RIOK1: variants seen among roughly 807,000 people sequenced by gnomAD.
The protein encoded by RIOK1 is serine/threonine-protein kinase RIO1.
RIOK1 carries 66 observed loss-of-function variants against 73.5 expected under a neutral mutation model. The ratio of observed to expected loss-of-function variants is 0.90; its 90% confidence interval spans 0.74 to 1.10. The LOEUF (loss-of-function observed/expected upper bound fraction) is 1.10. Ranked by LOEUF, RIOK1 falls within the 50% of genes least tolerant of loss-of-function variation. The pLI is 0.00. For missense variants in RIOK1, 658 were observed against 699.8 expected, an observed-to-expected ratio of 0.94 and a Z score of 0.67; for synonymous variants, 224 against 226.8, an observed-to-expected ratio of 0.99 and a Z score of 0.11.
chr6:7,393,366 C>T, intron 2 of RIOK1, 63 bp downstream of exon 2: 2 of 1,370,464 alleles, frequency 1.5e-6, no homozygotes. Context: ...TTTTAAAAGG[C>T]TGTTTTGTGA....
At chr6:7,397,880 G>A (rs1298446386) in intron 4 of RIOK1, among the ~76,000 whole-genome samples, 3 of 152,198 alleles carry the variant, frequency 2.0e-5, no homozygotes, top group African/African-American at 4.8e-5. Context: ...AGTGGCTCAC[G>A]CCTGTAATCC....
chr6:7,405,301 A>G lies in RIOK1; in HGVS notation c.1149A>G (p.Glu383=), dbSNP rs548686818. The change falls in exon 12 of 17, where the codon GAA becomes GAG. Residue 383 remains glutamate, a synonymous_variant. Transcript: ENST00000379834. The part of the protein sequence containing the change: ...VAVMTVRELF[E]FVTDPSITHE... ...TCATGACTGTGCGGGAGCTCTTTGA[A>G]TTTGTCACAGATCCATCCATTACAC... The G allele has an allele frequency of 5.0e-6, 8 of 1,613,580 alleles. No individual in the cohort carries two copies. In the East Asian group the frequency reaches 1.3e-4, roughly 27 times the overall value.
rs778945381 is a variant in RIOK1 at position 7,398,764 on chromosome 6, C to G, written c.480+24C>G. The G allele has an allele frequency of 1.5e-5, 24 of 1,583,494 alleles. No individual in the cohort carries two copies. The Admixed American group carries it at 3.9e-4, about 26-fold the overall frequency. On this transcript the variant is annotated intron_variant, in intron 5 of 16. Coordinates refer to ENST00000379834, the MANE Select transcript of RIOK1 (RefSeq NM_031480.3). ...AGGTACAATTTAAATGTGTTGCAAA[C>G]TCTTCTTTTTAATTAGCATTTCTTC... is the stretch of plus-strand genomic sequence containing the variant.
chr6:7,414,134 T>G, intron 15 of RIOK1, 104 bp from the exon 16 acceptor site: 1 of 997,996 alleles, frequency 1.0e-6, no homozygotes, highest in Admixed American at 2.7e-5. Context: ...TTAACATATA[T>G]TTGCGAGCCT....
At chr6:7,399,305 C>G (rs1419649995) in intron 5 of RIOK1, among the ~76,000 whole-genome samples, 2 of 152,146 alleles carry the variant, frequency 1.3e-5, no homozygotes, top group Non-Finnish European at 2.9e-5. Flanking sequence ...GCCTCTGCCA[C>G]CTACCACTCC....
chr6:7,400,142 T>C (rs925453227), intron 5 of RIOK1, among the ~76,000 whole-genome samples: 11 of 152,240 alleles, frequency 7.2e-5, no homozygotes, highest in African/African-American at 2.7e-4. Context: ...TTACTCAAGA[T>C]TGATTATTCT....
intron 3 of RIOK1, among the ~76,000 whole-genome samples, chr6:7,395,526 AAAG>A (rs1483533558): frequency 6.6e-6 from 1 of 151,860 alleles, no homozygotes; most frequent in African/African-American, 2.4e-5. Context: ...AAAAAAAAAA[AAAG>A]AAAAAAGGAA....
At chr6:7,413,356 C>CA (rs1761930991) in intron 15 of RIOK1, among the ~76,000 whole-genome samples, 1 of 152,226 alleles carries the variant, frequency 6.6e-6, no homozygotes, top group Non-Finnish European at 1.5e-5. Context: ...ATGAGTTCAG[C>CA]AAGTCCTGCT....
chr6:7,401,101 C>T lies in RIOK1; in HGVS notation c.573+51C>T, dbSNP rs761145818. 3.4e-6 allele frequency: 4 copies of T among 1,191,108 alleles called. No homozygotes were observed. In the South Asian group the frequency reaches 3.8e-5, roughly 11 times the overall value. 73.8% of individuals were successfully genotyped at this position (1,191,108 alleles called of 1,614,324 possible). A position where few individuals can be genotyped will look rare whatever the true frequency, so the allele number is the denominator to read the frequency against. ...TATTTAATTTTCTTATTTCAGATAC[C>T]AGATGAAACTGGCACTTAGAACTAC... On this transcript the variant is annotated intron_variant, in intron 6 of 16. Coordinates refer to ENST00000379834, the MANE Select transcript of RIOK1 (RefSeq NM_031480.3).
At chr6:7,411,538 C>G in intron 14 of RIOK1, 87 bp downstream of exon 14, 7 of 1,413,278 alleles carry the variant, frequency 5.0e-6, no homozygotes, top group Non-Finnish European at 6.9e-6. Flanking sequence ...TTAAGTTCCC[C>G]TAATCTTGAA....
rs115735627 is a variant in RIOK1 at position 7,405,008 on chromosome 6, C to T, written c.1083C>T (p.Cys361=). 23 of 1,613,544 alleles carry T rather than the reference C, an allele frequency of 1.4e-5. No homozygotes were observed. In the East Asian group the frequency reaches 2.7e-4, roughly 19 times the overall value. Residue 361 remains cysteine (C), a synonymous_variant, in exon 11 of 17, where the codon TGC becomes TGT. Coordinates refer to ENST00000379834, the MANE Select transcript of RIOK1 (RefSeq NM_031480.3). Reference sequence around the variant, plus strand: ...CCTTGGAGTTCTTGAGAAAGGATTGCGCCAACGTCAATGGTGAGTAGAAAC... The same window carrying T: ...CCTTGGAGTTCTTGAGAAAGGATTGTGCCAACGTCAATGGTGAGTAGAAAC... ...PHALEFLRKD[C]ANVNDFFMRH...
At chr6:7,396,510 C>T (rs1477996985) in intron 3 of RIOK1, among the ~76,000 whole-genome samples, 193 bp from the exon 4 acceptor site, 3 of 152,070 alleles carry the variant, frequency 2.0e-5, no homozygotes, top group Non-Finnish European at 4.4e-5. Flanking sequence ...GTGACACTTA[C>T]GAAGGAAACG....
intron 5 of RIOK1, among the ~76,000 whole-genome samples, chr6:7,399,923 T>C (rs958608211): frequency 6.6e-6 from 1 of 152,212 alleles, no homozygotes; most frequent in Non-Finnish European, 1.5e-5. Flanking sequence ...TCATTGAAGG[T>C]GGACCCTAAA....
intron 2 of RIOK1, among the ~76,000 whole-genome samples, chr6:7,394,311 G>A (rs1485916748): frequency 6.6e-6 from 1 of 152,190 alleles, no homozygotes; most frequent in East Asian, 1.9e-4. Context: ...GTGGGTGCCT[G>A]TAATCCCAGC....
In RIOK1 at chr6:7,417,383, T is replaced by G; in HGVS notation, c.1649T>G (p.Ile550Ser). Reference protein sequence around the residue: ...EAQREKRKNKIPKHVKKRKEK... With the variant: ...EAQREKRKNKSPKHVKKRKEK... ...CAGAGAGAGAAAAGAAAAAACAAAA[T>G]TCCTAAACATGTGAAAAAAAGAAAG... Residue 550 changes from isoleucine to serine, a missense_variant, in exon 17 of 17, where the codon ATT becomes AGT. By Grantham distance (142) the Ile-to-Ser change is moderately radical. Coordinates refer to ENST00000379834, the MANE Select transcript of RIOK1 (RefSeq NM_031480.3). 6.4e-7 allele frequency: 1 copy of G among 1,567,802 alleles called. No individual in the cohort carries two copies. Among genetic ancestry groups the G allele is most frequent in the Non-Finnish European group, 8.6e-7 (1 of 1,156,326 alleles).
chr6:7,407,893 G>A (rs1381590526), intron 12 of RIOK1, among the ~76,000 whole-genome samples: 2 of 152,214 alleles, frequency 1.3e-5, no homozygotes, highest in African/African-American at 4.8e-5. Context: ...TTCCCATTCT[G>A]TGACTTGTCT....
At chr6:7,392,397 G>C (rs376621651) in intron 1 of RIOK1, among the ~76,000 whole-genome samples, 1 of 152,224 alleles carries the variant, frequency 6.6e-6, no homozygotes, top group South Asian at 2.1e-4. Context: ...ATCATGAACA[G>C]GGATGATTTG....
chr6:7,396,892 G>GGTGTGTGTGTGTGTGTGTGTGTGT lies in RIOK1; in HGVS notation c.437+125_437+148dup, dbSNP rs150425917. 1.3e-4 allele frequency: 53 copies of GGTGTGTGTGTGTGTGTGTGTGTGT among 416,558 alleles called. 1 individual carries two copies. Among genetic ancestry groups the GGTGTGTGTGTGTGTGTGTGTGTGT allele is most frequent in the Middle Eastern group, 6.2e-4 (1 of 1,618 alleles). 25.8% of individuals were successfully genotyped at this position (416,558 alleles called of 1,614,324 possible). On this transcript the variant is annotated intron_variant, in intron 4 of 16. Coordinates refer to ENST00000379834, the MANE Select transcript of RIOK1 (RefSeq NM_031480.3). The stretch of plus-strand genomic sequence containing the variant: ...GTATACTTAAACCAATCATTATTTT[G>GGTGTGTGTGTGTGTGTGTGTGTGT]GTGTGTGTGTGTGTGTGTGTGTGTG...
chr6:7,402,685 A>T lies in RIOK1; in HGVS notation c.656A>T (p.Asp219Val). The T allele has an allele frequency of 6.2e-7, 1 of 1,611,904 alleles. No homozygotes were observed. The highest frequency in any genetic ancestry group is 8.5e-7 in the Non-Finnish European group (1 of 1,178,622). Reference sequence around the variant, plus strand: ...AAAACTTCTATTTTGGTGTTCAAAGATCGGGATAAATATGTAAGTGGAGAA... The same window carrying T: ...AAAACTTCTATTTTGGTGTTCAAAGTTCGGGATAAATATGTAAGTGGAGAA... ...IYKTSILVFK[D>V]RDKYVSGEFR... is the part of the protein sequence containing the mutation. Residue 219 changes from aspartate (D) to valine (V), a missense_variant, in exon 7 of 17, where the codon GAT (aspartate) becomes GTT (valine). By Grantham distance (152) the Asp-to-Val change is radical. Transcript: ENST00000379834.
Sources: gnomAD v4.1 joint callset for allele counts (sites outside exome capture counted in the v4.1 genomes callset) on GRCh38, gnomAD v4.1.1 for gene constraint, MANE v1.5 for transcripts, NCBI Gene and HGNC (gene_info 2026-07-23, HGNC 2026-07-21) for gene names.